The following XKR6 variants were observed in gnomAD, a reference collection of about 807,000 sequenced individuals.
The protein encoded by XKR6 is XK-related protein 6.
Under a neutral mutation model 56.7 loss-of-function variants are expected in XKR6, and 22 were observed. The observed-to-expected ratio is 0.39, with a 90% confidence interval of 0.28 to 0.55. XKR6 has a LOEUF of 0.55. Among genes scored for constraint, XKR6 ranks in the 20% least tolerant of loss-of-function variants. The probability of loss-of-function intolerance (pLI) is 0.66; values close to 1 mark genes in which losing one functional copy is unlikely to be tolerated. For missense variants in XKR6, 852 were observed against 889.0 expected, an observed-to-expected ratio of 0.96 and a Z score of 0.53; for synonymous variants, 524 against 387.8, an observed-to-expected ratio of 1.35 and a Z score of -4.13.
chr8:11,138,534 T>C (rs1007847765), intron 1 of XKR6: 2 of 152,368 alleles, frequency 1.3e-5, no homozygotes, highest in East Asian at 1.9e-4. Context: ...ATATTTGATT[T>C]CAGATTCCTA....
intron 1 of XKR6, among the ~76,000 whole-genome samples, chr8:11,033,795 G>C (rs1255210832): frequency 6.6e-6 from 1 of 152,184 alleles, no homozygotes; most frequent in Non-Finnish European, 1.5e-5. Context: ...CGTATCTTCA[G>C]ATTATGACTC....
Position 10,973,654 on chromosome 8 carries a change from A to C in XKR6, c.765-48824T>G, listed in dbSNP as rs1241282008. 4.0e-5 allele frequency among the ~76,000 whole-genome samples: 6 copies of C among 151,874 alleles called. No homozygotes were observed. In the East Asian group the frequency reaches 7.7e-4, roughly 20 times the overall value. On this transcript the variant is annotated intron_variant, in intron 1 of 2. Coordinates refer to ENST00000416569, the MANE Select transcript of XKR6 (RefSeq NM_173683.4). ...GAGTGCAGTGGAACCGTCTCAGCTCACTGCACAACCTCCACCTCCGGGGCT... is the reference window on the plus strand; with the variant it reads ...GAGTGCAGTGGAACCGTCTCAGCTCCCTGCACAACCTCCACCTCCGGGGCT...
chr8:10,898,519 A>G lies in XKR6; in HGVS notation c.1359T>C (p.Asn453=), dbSNP rs1799950890. The G allele has an allele frequency of 1.2e-6, 2 of 1,614,070 alleles. No homozygotes were observed. Among genetic ancestry groups the G allele is most frequent in the South Asian group, 2.2e-5 (2 of 91,062 alleles). Residue 453 remains asparagine (N), a synonymous_variant, in exon 3 of 3, where the codon AAT becomes AAC. Transcript: ENST00000416569. The surrounding 1 kb of genome is among the most constrained non-coding windows in gnomAD (Gnocchi z 6.6). ...AATACCAAAGGAACGTCAAGGCAGC[A>G]TTCTCGGTCAAGACTATCGTATAAT... ...FAYYTIVLTE[N]AALTFLWYFY...
At chr8:11,013,512 T>A (rs1037642899) in intron 1 of XKR6, among the ~76,000 whole-genome samples, 13 of 152,348 alleles carry the variant, frequency 8.5e-5, no homozygotes, top group African/African-American at 2.6e-4. Context: ...GGGTTCCAGA[T>A]GGCAAAGGAC....
chr8:10,912,466 TAGAGAGAG>T (rs1172368505), intron 2 of XKR6, among the ~76,000 whole-genome samples: 8 of 98,286 alleles, frequency 8.1e-5, no homozygotes, highest in African/African-American at 3.2e-4. Flanking sequence ...TATATATATA[TAGAGAGAG>T]AGAGAGAGAG....
chr8:11,198,458 A>AC (rs1804010914), intron 1 of XKR6, among the ~76,000 whole-genome samples: 1 of 152,146 alleles, frequency 6.6e-6, no homozygotes, highest in East Asian at 1.9e-4. Context: ...ATGTAAAAAA[A>AC]AAACTAGACA....
intron 1 of XKR6, among the ~76,000 whole-genome samples, chr8:10,954,866 C>CTTTTTT (rs34248780): frequency 2.8e-4 from 26 of 92,776 alleles, no homozygotes; most frequent in African/African-American, 6.0e-4. Flanking sequence ...ACTTCATTCT[C>CTTTTTT]TTTTTTTTTT....
chr8:10,930,102 T>G (rs4240673), intron 1 of XKR6, among the ~76,000 whole-genome samples: 1 of 151,980 alleles, frequency 6.6e-6, no homozygotes, highest in Non-Finnish European at 1.5e-5. Flanking sequence ...GTCCAAACTA[T>G]GTTGCCCCTC....
At chr8:11,025,686 C>T (rs1271462951) in intron 1 of XKR6, among the ~76,000 whole-genome samples, 7 of 152,202 alleles carry the variant, frequency 4.6e-5, no homozygotes, top group African/African-American at 1.7e-4. Flanking sequence ...TGTTAATATA[C>T]ATCATGGTGC....
intron 1 of XKR6, among the ~76,000 whole-genome samples, chr8:10,946,166 C>A (rs1801531949): frequency 6.6e-6 from 1 of 152,088 alleles, no homozygotes; most frequent in East Asian, 1.9e-4. Flanking sequence ...TTCTCACAAT[C>A]TGCCGGGACC....
chr8:11,141,948 A>G (rs1586606242), intron 1 of XKR6, among the ~76,000 whole-genome samples: 1 of 151,964 alleles, frequency 6.6e-6, no homozygotes, highest in South Asian at 2.1e-4. Flanking sequence ...GGATGTCACC[A>G]AATTGTCACT....
Position 11,000,244 on chromosome 8 carries a change from A to C in XKR6, c.765-75414T>G, listed in dbSNP as rs1430224583. ...AGCTCCTTCAAAGCTAGAAGGCAAC[A>C]GGACAGGAGAGCCAAAGAGCCCCTT... is the stretch of plus-strand genomic sequence containing the variant. On this transcript the variant is annotated intron_variant, in intron 1 of 2. Transcript: ENST00000416569. Among the ~76,000 whole-genome samples the C allele has an allele frequency of 2.6e-5, 4 of 152,230 alleles. No homozygotes were observed. The East Asian group carries it at 7.7e-4, about 29-fold the overall frequency.
Position 11,163,474 on chromosome 8 carries a change from C to T in XKR6, c.764+37102G>A, listed in dbSNP as rs551033139. Among the ~76,000 whole-genome samples, 5 of 152,346 alleles carry T rather than the reference C, an allele frequency of 3.3e-5. No homozygotes were observed. In the South Asian group the frequency reaches 1.0e-3, roughly 32 times the overall value. On this transcript the variant is annotated intron_variant, in intron 1 of 2. Coordinates refer to ENST00000416569, the MANE Select transcript of XKR6 (RefSeq NM_173683.4). ...ACAAAATCCACCAAATCTGCATACACCATGTCTTTCTTTCGTCACATCTGT... is the reference window on the plus strand; with the variant it reads ...ACAAAATCCACCAAATCTGCATACATCATGTCTTTCTTTCGTCACATCTGT...
intron 1 of XKR6, among the ~76,000 whole-genome samples, chr8:10,966,464 G>C (rs552153795): frequency 1.3e-5 from 2 of 152,092 alleles, no homozygotes; most frequent in Non-Finnish European, 2.9e-5. Flanking sequence ...ACGAGGTCAG[G>C]AGATCGAGAC....
intron 1 of XKR6, among the ~76,000 whole-genome samples, chr8:11,023,387 C>T (rs898821930): frequency 2.0e-5 from 3 of 152,190 alleles, no homozygotes; most frequent in Non-Finnish European, 4.4e-5. Context: ...CTAACCTCAG[C>T]CTTCTGAGTA....
In XKR6 at chr8:11,177,289, A is replaced by G. The variant is rs763174871; in HGVS notation, c.764+23287T>C. Among the ~76,000 whole-genome samples, 9 of 152,312 alleles carry G rather than the reference A, an allele frequency of 5.9e-5. No individual in the cohort carries two copies. In the East Asian group the frequency reaches 1.5e-3, roughly 26 times the overall value. ...CCAACATTATGACCTGCATTACAGT[A>G]TATTTTCATAAACACAAAATGTCCT... On this transcript the variant is annotated intron_variant, in intron 1 of 2. Coordinates refer to ENST00000416569, the MANE Select transcript of XKR6 (RefSeq NM_173683.4).
At chr8:11,048,117 C>G (rs944972706) in intron 1 of XKR6, among the ~76,000 whole-genome samples, 2 of 152,148 alleles carry the variant, frequency 1.3e-5, no homozygotes, top group Non-Finnish European at 2.9e-5. Flanking sequence ...CCCCCACGCT[C>G]AGTCACTGCA....
intron 1 of XKR6, among the ~76,000 whole-genome samples, chr8:11,041,861 G>T (rs1358995610): frequency 6.6e-6 from 1 of 152,156 alleles, no homozygotes; most frequent in African/African-American, 2.4e-5. Context: ...TTTTCTCTCT[G>T]CACCAACACA....
chr8:11,152,736 T>C (rs1387846585), intron 1 of XKR6, among the ~76,000 whole-genome samples: 1 of 152,246 alleles, frequency 6.6e-6, no homozygotes, highest in Non-Finnish European at 1.5e-5. Context: ...AAATGACATG[T>C]TGATCCTCAA....
Sources: gnomAD v4.1 joint callset for allele counts (sites outside exome capture counted in the v4.1 genomes callset) on GRCh38, gnomAD v4.1.1 for gene constraint, Gnocchi (gnomAD v3.1) non-coding constraint, MANE v1.5 for transcripts, NCBI Gene and HGNC (gene_info 2026-07-23, HGNC 2026-07-21) for gene names.